The following ABHD5 variants were observed in gnomAD, a reference collection of about 807,000 sequenced individuals.
The protein encoded by ABHD5 is 1-acylglycerol-3-phosphate O-acyltransferase ABHD5.
A neutral mutation model predicts 44.9 loss-of-function variants in ABHD5; 30 were observed. That is an observed-to-expected ratio of 0.67 (90% CI 0.50 to 0.91). The LOEUF is 0.91. Among genes scored for constraint, ABHD5 ranks in the 40% least tolerant of loss-of-function variants. The pLI, the probability that ABHD5 is intolerant of heterozygous loss-of-function variation, is 0.00. For synonymous variants in ABHD5, 167 were observed against 147.0 expected (o/e 1.14, Z -0.99); for missense variants, 399 against 423.4 (o/e 0.94, Z 0.50).
chr3:43,710,262 A>G (rs144041301), intron 3 of ABHD5, among the ~76,000 whole-genome samples: 241 of 152,350 alleles, frequency 1.6e-3, no homozygotes, highest in African/African-American at 5.6e-3. Flanking sequence ...TATATTCTAC[A>G]TATGTTAATG....
chr3:43,718,651 C>G lies in ABHD5; in HGVS notation c.*119C>G. 1.0e-6 allele frequency: 1 copy of G among 955,464 alleles called. No homozygotes were observed. The highest frequency in any genetic ancestry group is 1.7e-6 in the Non-Finnish European group (1 of 594,848). The allele number at this position is 955,464 out of a possible 1,614,324, so 59.2% of individuals were successfully genotyped here. A position where few individuals can be genotyped will look rare whatever the true frequency, so the allele number is the denominator to read the frequency against. On this transcript the variant is annotated 3_prime_UTR_variant, in exon 7 of 7. Coordinates refer to ENST00000644371, the MANE Select transcript of ABHD5 (RefSeq NM_016006.6). ...CAACCAGGCAGCCTTCTTGACTATACTTTGCACATGTTTTCTTTAGGAATT... is the reference window on the plus strand; with the variant it reads ...CAACCAGGCAGCCTTCTTGACTATAGTTTGCACATGTTTTCTTTAGGAATT...
At chr3:43,697,227 C>T (rs763675886) in intron 1 of ABHD5, among the ~76,000 whole-genome samples, 3 of 151,962 alleles carry the variant, frequency 2.0e-5, no homozygotes, top group Non-Finnish European at 2.9e-5. Flanking sequence ...TTTTGAGTGT[C>T]GTTTTTTAAA....
At chr3:43,707,129 T>C (rs2084630943) in intron 3 of ABHD5, among the ~76,000 whole-genome samples, 1 of 152,198 alleles carries the variant, frequency 6.6e-6, no homozygotes, top group African/African-American at 2.4e-5. Context: ...TTAATTTTCC[T>C]TTCCTTCTGG....
At chr3:43,722,805 G>A (rs537640106), downstream of ABHD5, 22 of 152,268 alleles carry the variant, frequency 1.4e-4, no homozygotes, top group South Asian at 4.6e-3. Context: ...ATTTACTTGT[G>A]TCATTGGAAT....
intron 1 of ABHD5, among the ~76,000 whole-genome samples, chr3:43,695,745 T>A (rs968559716): frequency 6.6e-6 from 1 of 152,206 alleles, no homozygotes; most frequent in Non-Finnish European, 1.5e-5. Context: ...GACATAATAT[T>A]TTTTTAGAAG....
chr3:43,715,895 A>G (rs75900709), intron 5 of ABHD5, among the ~76,000 whole-genome samples: 3,440 of 152,298 alleles, frequency 0.023, 59 homozygotes, highest in South Asian at 0.092. Flanking sequence ...GTATTTTTCA[A>G]GTTCATTTGA....
intron 6 of ABHD5, 28 bp from the exon 7 acceptor site, chr3:43,718,415 A>G: frequency 6.3e-7 from 1 of 1,585,082 alleles, no homozygotes; most frequent in Non-Finnish European, 8.7e-7. Context: ...TTTACTCACT[A>G]ACTGTCTGAA....
At chr3:43,717,002 C>T (rs1056765306) in intron 5 of ABHD5, among the ~76,000 whole-genome samples, 9 of 152,072 alleles carry the variant, frequency 5.9e-5, no homozygotes, top group Non-Finnish European at 1.2e-4. Context: ...GAAACCCCGT[C>T]TCTACTGAAA....
chr3:43,703,202 T>G (rs560870629), intron 3 of ABHD5, among the ~76,000 whole-genome samples: 7 of 150,096 alleles, frequency 4.7e-5, no homozygotes, highest in African/African-American at 1.5e-4. Flanking sequence ...TTTTAAGAGA[T>G]AGAAGCTCGC....
At chr3:43,698,567 C>T (rs1300885755) in intron 1 of ABHD5, among the ~76,000 whole-genome samples, 1 of 152,152 alleles carries the variant, frequency 6.6e-6, no homozygotes, top group Non-Finnish European at 1.5e-5. Context: ...TCAACTGCAG[C>T]CTCCCCATGC....
chr3:43,710,815 A>G (rs2084679590), intron 3 of ABHD5, among the ~76,000 whole-genome samples: 2 of 152,176 alleles, frequency 1.3e-5, no homozygotes, highest in Admixed American at 6.5e-5. Flanking sequence ...ACAGTTGAAC[A>G]TTGTATTGTA....
chr3:43,728,241 A>AT (rs1559423799), intron 7 of ABHD5, among the ~76,000 whole-genome samples: 1 of 152,232 alleles, frequency 6.6e-6, no homozygotes, highest in Admixed American at 6.5e-5. Context: ...CAAAAGCAAC[A>AT]TGGCAAAATT....
At position 43,718,518 on chromosome 3, in the gene ABHD5, G is replaced by C; in HGVS notation, c.1036G>C (p.Asp346His). The C allele has an allele frequency of 6.2e-7, 1 of 1,614,064 alleles. No individual in the cohort carries two copies. The highest frequency in any genetic ancestry group is 8.5e-7 in the Non-Finnish European group (1 of 1,179,968). ...EFNQKVKEIC[D>H]TVD ...CAACCAGAAAGTAAAGGAGATCTGC[G>C]ACACTGTGGACTGAACACACTGAAG... Residue 346 changes from aspartate (D) to histidine (H), a missense_variant, in exon 7 of 7, where the codon GAC (aspartate) becomes CAC (histidine). Asp to His is a moderately conservative substitution (Grantham distance 81, BLOSUM62 -1). Transcript: ENST00000644371.
In ABHD5 at chr3:43,690,981, G is replaced by A; in HGVS notation, c.-12G>A. On this transcript the variant is annotated 5_prime_UTR_variant, in exon 1 of 7. Transcript: ENST00000644371. ...CTTCGAGATAAGTCCCGGCGCTTGC[G>A]CGGCGGCGGCTATGGCGGCGGAGGA... 1 of 1,570,624 alleles carries A rather than the reference G, an allele frequency of 6.4e-7. No individual in the cohort carries two copies. Among genetic ancestry groups the A allele is most frequent in the East Asian group, 2.5e-5 (1 of 39,912 alleles).
At chr3:43,716,911 G>A (rs1313169636) in intron 5 of ABHD5, among the ~76,000 whole-genome samples, 2 of 152,126 alleles carry the variant, frequency 1.3e-5, no homozygotes, top group African/African-American at 2.4e-5. Flanking sequence ...TGGTACTCAC[G>A]CCTGTAATCC....
At chr3:43,706,329 CT>C (rs776670022) in intron 3 of ABHD5, among the ~76,000 whole-genome samples, 1 of 152,200 alleles carries the variant, frequency 6.6e-6, no homozygotes, top group African/African-American at 2.4e-5. Context: ...TTCAGAAAGA[CT>C]TTTGGTGGGC....
Position 43,718,634 on chromosome 3 carries a change from C to T in ABHD5, c.*102C>T. 1 of 1,158,306 alleles carries T rather than the reference C, an allele frequency of 8.6e-7. No individual in the cohort carries two copies. The highest frequency in any genetic ancestry group is 1.3e-6 in the Non-Finnish European group (1 of 770,108). 71.8% of individuals were successfully genotyped at this position (1,158,306 alleles called of 1,614,324 possible). A position where few individuals can be genotyped will look rare whatever the true frequency, so the allele number is the denominator to read the frequency against. On this transcript the variant is annotated 3_prime_UTR_variant, in exon 7 of 7. Coordinates refer to ENST00000644371, the MANE Select transcript of ABHD5 (RefSeq NM_016006.6). ...GTAGTGAATACAACACACAACCAGG[C>T]AGCCTTCTTGACTATACTTTGCACA... is the stretch of plus-strand genomic sequence containing the variant.
At chr3:43,709,856 A>G (rs2149601261) in intron 3 of ABHD5, among the ~76,000 whole-genome samples, 1 of 152,298 alleles carries the variant, frequency 6.6e-6, no homozygotes, top group South Asian at 2.1e-4. Context: ...CAGCCTGAGC[A>G]ACATGGTAAA....
intron 7 of ABHD5, among the ~76,000 whole-genome samples, chr3:43,731,539 T>A (rs991580504): frequency 3.3e-5 from 5 of 151,954 alleles, no homozygotes; most frequent in African/African-American, 1.2e-4. Context: ...GTTGAAAGAT[T>A]TAAGAGTTTG....
Sources: gnomAD v4.1 joint callset for allele counts (sites outside exome capture counted in the v4.1 genomes callset) on GRCh38, gnomAD v4.1.1 for gene constraint, MANE v1.5 for transcripts, NCBI Gene and HGNC (gene_info 2026-07-23, HGNC 2026-07-21) for gene names.